PNLIP: variants seen among roughly 807,000 people sequenced by gnomAD.
The protein encoded by PNLIP is pancreatic triacylglycerol lipase.
In PNLIP, 49 loss-of-function variants were observed where a neutral mutation model predicts 57.1. That is an observed-to-expected ratio of 0.86 (90% CI 0.68 to 1.09). The LOEUF is 1.09. Among genes scored for constraint, PNLIP ranks in the 50% least tolerant of loss-of-function variants. The probability of loss-of-function intolerance (pLI) is 0.00; values close to 1 mark genes in which losing one functional copy is unlikely to be tolerated. For synonymous variants in PNLIP, 209 were observed against 200.4 expected, an observed-to-expected ratio of 1.04 and a Z score of -0.36; for missense variants, 503 against 570.2, an observed-to-expected ratio of 0.88 and a Z score of 1.20.
At chr10:116,562,735 T>G (rs1434920908) in intron 12 of PNLIP, among the ~76,000 whole-genome samples, 1 of 152,168 alleles carries the variant, frequency 6.6e-6, no homozygotes, top group Non-Finnish European at 1.5e-5. Context: ...GAGAAAATAG[T>G]TCCCCTACTT....
At chr10:116,553,328 C>G (rs1404477798) in intron 5 of PNLIP, among the ~76,000 whole-genome samples, 1 of 152,226 alleles carries the variant, frequency 6.6e-6, no homozygotes, top group Non-Finnish European at 1.5e-5. Flanking sequence ...TGGTCTTGAA[C>G]TCCTGACCTC....
intron 12 of PNLIP, among the ~76,000 whole-genome samples, chr10:116,564,838 G>A (rs112819537): frequency 1.3e-4 from 20 of 152,030 alleles, no homozygotes; most frequent in Middle Eastern, 3.4e-3. Flanking sequence ...AAAAATATGC[G>A]CTATAAATTC....
chr10:116,558,522 C>T (rs1847280336), intron 9 of PNLIP, among the ~76,000 whole-genome samples: 1 of 151,460 alleles, frequency 6.6e-6, no homozygotes, highest in African/African-American at 2.4e-5. Flanking sequence ...AAAATAAATT[C>T]TAGCTGTAAG....
chr10:116,551,647 G>A (rs944313773), intron 5 of PNLIP, among the ~76,000 whole-genome samples: 1 of 152,146 alleles, frequency 6.6e-6, no homozygotes, highest in African/African-American at 2.4e-5. Context: ...ACTTGAATGT[G>A]TTTAAATAAT....
chr10:116,558,228 C>T (rs1430166017), intron 9 of PNLIP, among the ~76,000 whole-genome samples: 4 of 144,528 alleles, frequency 2.8e-5, no homozygotes, highest in East Asian at 2.0e-4. Context: ...GACGGAGTCT[C>T]GCTCTGTCAC....
In PNLIP at chr10:116,547,344, T is replaced by C. The variant is rs1331564548; in HGVS notation, c.97T>C (p.Trp33Arg). 1.9e-6 allele frequency: 3 copies of C among 1,613,926 alleles called. No homozygotes were observed. Among genetic ancestry groups the C allele is most frequent in the East Asian group, 2.2e-5 (1 of 44,880 alleles). Residue 33 changes from tryptophan (W) to arginine (R), a missense_variant, in exon 3 of 13, where the codon TGG becomes CGG. Coordinates refer to ENST00000369221, the MANE Select transcript of PNLIP (RefSeq NM_000936.4). ...RLGCFSDDSP[W>R]SGITERPLHI... is the part of the protein sequence containing the mutation. ...CGGCTGCTTCAGTGATGACTCCCCA[T>C]GGTCAGGAATTACGGAAAGACCCCT...
At chr10:116,560,970 G>A (rs1847310137) in intron 11 of PNLIP, among the ~76,000 whole-genome samples, 1 of 152,168 alleles carries the variant, frequency 6.6e-6, no homozygotes, top group South Asian at 2.1e-4. Context: ...GTAGAGTACT[G>A]ACATGTATAA....
In PNLIP at chr10:116,551,092, C is replaced by T. The variant is rs943818809; in HGVS notation, c.325-6C>T. 2.1e-5 allele frequency: 33 copies of T among 1,570,922 alleles called. No homozygotes were observed. The highest frequency in any genetic ancestry group is 2.9e-5 in the Non-Finnish European group (33 of 1,157,240). Reference sequence around the variant, plus strand: ...ATTTATCTGTTTATTGTGCCCCTTCCACCAGAATCTGTTCAAGGTGGAAAG... The same window carrying T: ...ATTTATCTGTTTATTGTGCCCCTTCTACCAGAATCTGTTCAAGGTGGAAAG... On this transcript the variant is annotated splice_polypyrimidine_tract_variant and splice_region_variant and intron_variant, in intron 4 of 12. Transcript: ENST00000369221.
Position 116,559,080 on chromosome 10 carries a change from GACA to G in PNLIP, c.931-70_931-68del. 3 of 1,540,554 alleles carry G rather than the reference GACA, an allele frequency of 1.9e-6. No individual in the cohort carries two copies. The South Asian group carries it at 3.9e-5, about 20-fold the overall frequency. ...ACTGGCTTTAGAATATTTGAATGGC[GACA>G]ACATGTAGGAAATATGGTACACAAC... is the stretch of plus-strand genomic sequence containing the variant. On this transcript the variant is annotated intron_variant, in intron 9 of 12. Coordinates refer to ENST00000369221, the MANE Select transcript of PNLIP (RefSeq NM_000936.4).
chr10:116,561,507 A>C lies in PNLIP; in HGVS notation c.1205A>C (p.Glu402Ala). ...TLKPDSTHSN[E>A]FDSDVDVGDL... ...AAACCAGATAGTACTCATTCCAATGAATTTGACTCAGATGTGGATGTTGGG... is the reference window on the plus strand; with the variant it reads ...AAACCAGATAGTACTCATTCCAATGCATTTGACTCAGATGTGGATGTTGGG... Residue 402 changes from glutamate to alanine, a missense_variant, in exon 12 of 13, where the codon GAA (glutamate) becomes GCA (alanine). Physicochemically the swap from Glu to Ala is moderately radical, Grantham distance 107. Coordinates refer to ENST00000369221, the MANE Select transcript of PNLIP (RefSeq NM_000936.4). 1 of 1,613,952 alleles carries C rather than the reference A, an allele frequency of 6.2e-7. No individual in the cohort carries two copies. Among genetic ancestry groups the C allele is most frequent in the East Asian group, 2.2e-5 (1 of 44,862 alleles).
intron 12 of PNLIP, 132 bp downstream of exon 12, chr10:116,561,768 T>G: frequency 1.5e-6 from 1 of 688,624 alleles, no homozygotes; most frequent in East Asian, 2.6e-5. Context: ...TGCTTCCTAA[T>G]GCCTTCTGTT....
At position 116,550,572 on chromosome 10, in the gene PNLIP, T is replaced by C. The variant is rs183882956; in HGVS notation, c.325-526T>C. On this transcript the variant is annotated intron_variant, in intron 4 of 12. Transcript: ENST00000369221. ...ACGTTCATCCAAAAAATTTGATTAGTCTTTCTATTGTGGAAAAACTTATTT... is the reference window on the plus strand; with the variant it reads ...ACGTTCATCCAAAAAATTTGATTAGCCTTTCTATTGTGGAAAAACTTATTT... Among the ~76,000 whole-genome samples the C allele has an allele frequency of 2.7e-3, 418 of 152,282 alleles. 2 individuals carry two copies. The highest frequency in any genetic ancestry group is 3.8e-3 in the Non-Finnish European group (259 of 68,020).
chr10:116,556,188 A>G (rs1458844457), intron 9 of PNLIP, 70 bp downstream of exon 9: 6 of 813,946 alleles, frequency 7.4e-6, no homozygotes, highest in Non-Finnish European at 1.3e-5. Context: ...GTGCTTTCCT[A>G]TACATGACAT....
At chr10:116,552,619 G>A (rs1182407911) in intron 5 of PNLIP, among the ~76,000 whole-genome samples, 1 of 152,222 alleles carries the variant, frequency 6.6e-6, no homozygotes, top group East Asian at 1.9e-4. Flanking sequence ...TGGCACGGTG[G>A]CTCACGCCTG....
At chr10:116,561,390 C>A (rs373758910) in intron 11 of PNLIP, 82 bp from the exon 12 acceptor site, 484 of 1,000,574 alleles carry the variant, frequency 4.8e-4, no homozygotes, top group Middle Eastern at 4.4e-3. Context: ...TATATATGTA[C>A]ACACTTACAT....
Position 116,555,232 on chromosome 10 carries a change from A to T in PNLIP, c.626A>T (p.Asp209Val). The T allele has an allele frequency of 1.9e-6, 3 of 1,613,982 alleles. No homozygotes were observed. Among genetic ancestry groups the T allele is most frequent in the Non-Finnish European group, 2.5e-6 (3 of 1,179,990 alleles). ...FQGTPELVRL[D>V]PSDAKFVDVI... Reference sequence around the variant, plus strand: ...GGCACACCTGAATTAGTCCGATTGGACCCCAGCGATGCCAAATTTGTGGAT... The same window carrying T: ...GGCACACCTGAATTAGTCCGATTGGTCCCCAGCGATGCCAAATTTGTGGAT... Residue 209 changes from aspartate (D) to valine (V), a missense_variant, in exon 7 of 13, where the codon GAC (aspartate) becomes GTC (valine). Asp to Val is a radical substitution (Grantham distance 152). Coordinates refer to ENST00000369221, the MANE Select transcript of PNLIP (RefSeq NM_000936.4).
In PNLIP at chr10:116,548,455, A is replaced by C; in HGVS notation, c.297A>C (p.Glu99Asp). ...TTCATGGATTCATAGACAAGGGAGA[A>C]GAAAACTGGCTGGCCAATGTGTGCA... Reference protein sequence around the residue: ...FIIHGFIDKGEENWLANVCKN... With the variant: ...FIIHGFIDKGDENWLANVCKN... The change falls in exon 4 of 13, where the codon GAA (glutamate) becomes GAC (aspartate). Residue 99 changes from glutamate to aspartate, a missense_variant. By Grantham distance (45) the Glu-to-Asp change is conservative (BLOSUM62 2). Coordinates refer to ENST00000369221, the MANE Select transcript of PNLIP (RefSeq NM_000936.4). 1 of 1,614,092 alleles carries C rather than the reference A, an allele frequency of 6.2e-7. No homozygotes were observed. Among genetic ancestry groups the C allele is most frequent in the Non-Finnish European group, 8.5e-7 (1 of 1,179,956 alleles).
rs575175411 is a variant in PNLIP, at chr10:116,549,670, A to G, written c.324+1188A>G. Reference sequence around the variant, plus strand: ...GCAGTAAAACCACAACTTGTCCTCCAAAATAATTTAAAGCTGATGATTACT... The same window carrying G: ...GCAGTAAAACCACAACTTGTCCTCCGAAATAATTTAAAGCTGATGATTACT... On this transcript the variant is annotated intron_variant, in intron 4 of 12. Coordinates refer to ENST00000369221, the MANE Select transcript of PNLIP (RefSeq NM_000936.4). 8.6e-4 allele frequency among the ~76,000 whole-genome samples: 131 copies of G among 152,288 alleles called. 1 individual carries two copies. The highest frequency in any genetic ancestry group is 9.6e-4 in the Non-Finnish European group (65 of 68,018).
At position 116,561,480 on chromosome 10, in the gene PNLIP, T is replaced by G; in HGVS notation, c.1178T>G (p.Leu393Arg). ...ACTTCTTAAATCCTTAGGGGCACTC[T>G]CAAACCAGATAGTACTCATTCCAAT... ...SKQYEIFKGT[L>R]KPDSTHSNEF... The change falls in exon 12 of 13, where the codon CTC becomes CGC. Residue 393 changes from leucine (L) to arginine (R), a missense_variant. By Grantham distance (102) the Leu-to-Arg change is moderately radical. Transcript: ENST00000369221. The G allele has an allele frequency of 2.5e-6, 4 of 1,612,134 alleles. No homozygotes were observed. Among genetic ancestry groups the G allele is most frequent in the Non-Finnish European group, 2.5e-6 (3 of 1,179,172 alleles).
Sources: allele counts gnomAD v4.1 joint callset (sites outside exome capture counted in the v4.1 genomes callset), GRCh38; gene constraint gnomAD v4.1.1; transcripts MANE v1.5; gene names NCBI Gene and HGNC (gene_info 2026-07-23, HGNC 2026-07-21).